The following PCSK2 variants were observed in gnomAD, a reference collection of about 807,000 sequenced individuals.
PCSK2 encodes neuroendocrine convertase 2.
A neutral mutation model predicts 69.7 loss-of-function variants in PCSK2; 14 were observed. The observed-to-expected ratio is 0.20, with a 90% CI of 0.13 to 0.31. The LOEUF is 0.31. Among genes scored for constraint, PCSK2 ranks in the 10% least tolerant of loss-of-function variants. PCSK2 has a pLI of 1.00. For synonymous variants in PCSK2, 307 were observed against 320.7 expected (o/e 0.96, Z 0.46); for missense variants, 544 against 842.5 (o/e 0.65, Z 4.39).
intron 2 of PCSK2, among the ~76,000 whole-genome samples, chr20:17,343,105 CCTT>C (rs1475182276): frequency 7.2e-5 from 11 of 152,188 alleles, no homozygotes; most frequent in Admixed American, 2.6e-4. Flanking sequence ...CCTAGACAGT[CCTT>C]CTCCAGAGAC....
chr20:17,430,900 G>A (rs961236903), intron 7 of PCSK2, among the ~76,000 whole-genome samples: 7 of 152,162 alleles, frequency 4.6e-5, no homozygotes, highest in African/African-American at 1.4e-4. Context: ...AAAGAGTTAG[G>A]GGGAGCTCAC....
chr20:17,393,210 G>C (rs768688974), intron 5 of PCSK2, among the ~76,000 whole-genome samples: 1 of 152,012 alleles, frequency 6.6e-6, no homozygotes, highest in South Asian at 2.1e-4. Flanking sequence ...TCACTTGCCC[G>C]TTTTTATTTT....
intron 10 of PCSK2, 78 bp from the exon 11 acceptor site, chr20:17,465,248 T>C: frequency 1.0e-6 from 1 of 962,516 alleles, no homozygotes; most frequent in Admixed American, 2.0e-5. Context: ...GTAATATTTC[T>C]CTTAATCATT....
At chr20:17,408,702 T>C (rs1057187592) in intron 5 of PCSK2, among the ~76,000 whole-genome samples, 2 of 152,216 alleles carry the variant, frequency 1.3e-5, no homozygotes, top group African/African-American at 4.8e-5. Context: ...GGACTCTTAA[T>C]GATATTTGTT....
chr20:17,433,445 G>A (rs2269008), intron 7 of PCSK2, among the ~76,000 whole-genome samples: 56,318 of 152,128 alleles, frequency 0.37, 10,802 homozygotes, highest in South Asian at 0.59. Context: ...GCATTGATGA[G>A]CACCGAAGTT....
intron 2 of PCSK2, among the ~76,000 whole-genome samples, chr20:17,290,831 G>T (rs547309496): frequency 6.6e-6 from 1 of 152,278 alleles, no homozygotes; most frequent in African/African-American, 2.4e-5. Context: ...CTGGCATCTG[G>T]TGAGGACCTT....
intron 1 of PCSK2, among the ~76,000 whole-genome samples, chr20:17,233,565 A>G (rs941178647): frequency 5.3e-5 from 8 of 152,192 alleles, no homozygotes; most frequent in African/African-American, 1.9e-4. Flanking sequence ...AGCCAATTAT[A>G]CTGGATTCCT....
chr20:17,305,984 A>G (rs1989314029), intron 2 of PCSK2, among the ~76,000 whole-genome samples: 1 of 152,136 alleles, frequency 6.6e-6, no homozygotes, highest in Admixed American at 6.5e-5. Flanking sequence ...TTAGCCTGAC[A>G]TTTTTCTGCA....
chr20:17,315,022 TC>T lies in PCSK2; in HGVS notation c.283-43303del, dbSNP rs1249948719. Among the ~76,000 whole-genome samples the T allele has an allele frequency of 3.9e-5, 6 of 152,306 alleles. No individual in the cohort carries two copies. In the East Asian group the frequency reaches 1.2e-3, roughly 29 times the overall value. ...TGCTGAAAAAGGCTTTTCAATTCCT[TC>T]CTGAAATAAGCCAGGGCCATAAGCA... is the stretch of plus-strand genomic sequence containing the variant. On this transcript the variant is annotated intron_variant, in intron 2 of 11. Transcript: ENST00000262545.
intron 1 of PCSK2, among the ~76,000 whole-genome samples, chr20:17,256,759 G>A (rs1473255225): frequency 1.3e-5 from 2 of 151,970 alleles, no homozygotes; most frequent in Admixed American, 6.6e-5. Context: ...TTCTCCTAAT[G>A]TTATTCCTCC....
chr20:17,374,705 C>G (rs1328885145), intron 5 of PCSK2, among the ~76,000 whole-genome samples: 1 of 152,118 alleles, frequency 6.6e-6, no homozygotes, highest in African/African-American at 2.4e-5. Context: ...GCTCAATCTC[C>G]CTGGGGAACT....
chr20:17,361,262 C>A (rs2123215200), intron 4 of PCSK2, among the ~76,000 whole-genome samples: 1 of 152,302 alleles, frequency 6.6e-6, no homozygotes, highest in East Asian at 1.9e-4. Flanking sequence ...CAGAATGAAC[C>A]CTTGTAAAGT....
At chr20:17,349,738 T>C (rs1365539362) in intron 2 of PCSK2, among the ~76,000 whole-genome samples, 1 of 152,164 alleles carries the variant, frequency 6.6e-6, no homozygotes, top group Non-Finnish European at 1.5e-5. Context: ...AAATAAAAGA[T>C]TCATGCTCTT....
At chr20:17,394,639 T>C (rs2031468408) in intron 5 of PCSK2, among the ~76,000 whole-genome samples, 1 of 152,098 alleles carries the variant, frequency 6.6e-6, no homozygotes, top group Non-Finnish European at 1.5e-5. Flanking sequence ...GGACGTGTCA[T>C]CTCCAAAAGG....
At chr20:17,352,222 C>G (rs965002278) in intron 2 of PCSK2, among the ~76,000 whole-genome samples, 1 of 152,180 alleles carries the variant, frequency 6.6e-6, no homozygotes, top group Admixed American at 6.5e-5. Flanking sequence ...AGTGGGAAAG[C>G]AGTCTATGCT....
At chr20:17,231,066 T>C (rs1423142949) in intron 1 of PCSK2, among the ~76,000 whole-genome samples, 1 of 152,196 alleles carries the variant, frequency 6.6e-6, no homozygotes, top group Non-Finnish European at 1.5e-5. Context: ...ACAAAAATTA[T>C]TTATTGAAGC....
chr20:17,261,338 G>A (rs1005978147), intron 2 of PCSK2, among the ~76,000 whole-genome samples: 5 of 152,210 alleles, frequency 3.3e-5, no homozygotes, highest in African/African-American at 1.2e-4. Context: ...GATAGAATCT[G>A]AAAACTCATT....
At position 17,482,346 on chromosome 20, in the gene PCSK2, A is replaced by G. The variant is rs1213197706; in HGVS notation, c.*276A>G. On this transcript the variant is annotated 3_prime_UTR_variant, in exon 12 of 12. Coordinates refer to ENST00000262545, the MANE Select transcript of PCSK2 (RefSeq NM_002594.5). Reference sequence around the variant, plus strand: ...CATTCAAATGGGTGATATCCTGAAAAAAAAAAAAAAAAAAAAACTGGGACA... The same window carrying G: ...CATTCAAATGGGTGATATCCTGAAAGAAAAAAAAAAAAAAAAACTGGGACA... 4 of 140,326 alleles carry G rather than the reference A, an allele frequency of 2.9e-5. No individual in the cohort carries two copies. Among genetic ancestry groups the G allele is most frequent in the African/African-American group, 4.2e-5 (1 of 23,734 alleles). 8.7% of individuals were successfully genotyped at this position (140,326 alleles called of 1,614,324 possible).
intron 2 of PCSK2, among the ~76,000 whole-genome samples, chr20:17,280,012 T>C (rs1333519263): frequency 6.6e-6 from 1 of 151,638 alleles, no homozygotes; most frequent in Non-Finnish European, 1.5e-5. Flanking sequence ...AACACACTTG[T>C]TCCAAATCAA....
Sources: gnomAD v4.1 joint callset for allele counts (sites outside exome capture counted in the v4.1 genomes callset) on GRCh38, gnomAD v4.1.1 for gene constraint, MANE v1.5 for transcripts, NCBI Gene and HGNC (gene_info 2026-07-23, HGNC 2026-07-21) for gene names.